The following TASP1 variants were observed in gnomAD, a reference collection of about 807,000 sequenced individuals.
TASP1 encodes the protein threonine aspartase 1.
Under a neutral mutation model 56.6 loss-of-function variants are expected in TASP1, and 16 were observed. The ratio of observed to expected loss-of-function variants is 0.28; its 90% CI spans 0.19 to 0.43. The LOEUF is 0.43. Among genes scored for constraint, TASP1 ranks in the 20% least tolerant of loss-of-function variants. TASP1 has a pLI of 1.00. For synonymous variants in TASP1, 179 were observed against 184.2 expected, an observed-to-expected ratio of 0.97 and a Z score of 0.23; for missense variants, 393 against 511.6, an observed-to-expected ratio of 0.77 and a Z score of 2.24.
chr20:13,630,301 AAATT>A, intron 1 of TASP1, 149 bp from the exon 2 acceptor site: 1 of 491,034 alleles, frequency 2.0e-6, no homozygotes, highest in South Asian at 3.6e-5. Context: ...CTATTTATTA[AAATT>A]ATTTTTTCTT....
the TASP1 span, among the ~76,000 whole-genome samples, chr20:13,241,833 C>T: frequency 4.2e-3 from 641 of 152,148 alleles, 2 homozygotes; most frequent in African/African-American, 0.015. Context: ...GTTCCCATCA[C>T]CCACCTGCTT....
At chr20:13,489,312 A>G in intron 10 of TASP1, among the ~76,000 whole-genome samples, 1 of 152,168 alleles carries the variant, frequency 6.6e-6, no homozygotes, top group South Asian at 2.1e-4. Flanking sequence ...AAAGAGCTAC[A>G]CATTCTTAGG....
intron 13 of TASP1, among the ~76,000 whole-genome samples, chr20:13,409,024 T>A (rs1057022095): frequency 2.6e-5 from 4 of 152,102 alleles, no homozygotes; most frequent in African/African-American, 7.2e-5. Context: ...TCTTAAAGCT[T>A]CTTAAGATGA....
intron 11 of TASP1, among the ~76,000 whole-genome samples, chr20:13,452,134 G>C (rs1362538733): frequency 2.6e-5 from 4 of 151,928 alleles, no homozygotes; most frequent in Admixed American, 1.3e-4. Context: ...CAGACTATCA[G>C]CACAGATACA....
intron 12 of TASP1, among the ~76,000 whole-genome samples, chr20:13,429,953 T>C (rs1354231878): frequency 1.3e-5 from 2 of 151,790 alleles, no homozygotes; most frequent in Non-Finnish European, 2.9e-5. Context: ...AGCTGCAGAG[T>C]TGTTATATAG....
At chr20:13,165,041 G>A in the TASP1 span, 51 of 556,656 alleles carry the variant, frequency 9.2e-5, no homozygotes, top group Non-Finnish European at 1.3e-4. Flanking sequence ...TTGGACTGCA[G>A]AGACAAAAAC....
At chr20:13,301,517 C>T in the TASP1 span, among the ~76,000 whole-genome samples, 1,500 of 152,192 alleles carry the variant, frequency 9.9e-3, 31 homozygotes, top group African/African-American at 0.034. Context: ...ATTATTTACA[C>T]CTTAGAAGGT....
chr20:13,560,606 C>T (rs1444454170), intron 7 of TASP1, among the ~76,000 whole-genome samples: 8 of 151,970 alleles, frequency 5.3e-5, no homozygotes, highest in Admixed American at 1.3e-4. Flanking sequence ...AGCATGAGAC[C>T]GACAGAAGGT....
the TASP1 span, among the ~76,000 whole-genome samples, chr20:13,231,298 A>G: frequency 4.6e-5 from 7 of 152,244 alleles, no homozygotes; most frequent in African/African-American, 1.7e-4. Context: ...GCAGGCAGCA[A>G]AAGAACCAGG....
At chr20:13,543,650 C>G (rs961733156) in intron 8 of TASP1, among the ~76,000 whole-genome samples, 1 of 152,116 alleles carries the variant, frequency 6.6e-6, no homozygotes, top group Non-Finnish European at 1.5e-5. Context: ...GAGGCCCTTG[C>G]GCCTTTCAAC....
chr20:13,578,595 A>G (rs1177491938), intron 6 of TASP1, among the ~76,000 whole-genome samples: 1 of 152,108 alleles, frequency 6.6e-6, no homozygotes, highest in Non-Finnish European at 1.5e-5. Context: ...TAATATTTTT[A>G]TACTACACTT....
chr20:13,538,719 T>C (rs917370114), intron 8 of TASP1, among the ~76,000 whole-genome samples: 1 of 152,182 alleles, frequency 6.6e-6, no homozygotes, highest in African/African-American at 2.4e-5. Flanking sequence ...CACTGTGGGC[T>C]ACAGTTTATC....
the TASP1 span, among the ~76,000 whole-genome samples, chr20:13,277,991 C>A: frequency 2.0e-5 from 3 of 152,164 alleles, no homozygotes; most frequent in Non-Finnish European, 4.4e-5. Flanking sequence ...CGCCCTGGTG[C>A]AATTTGGCAG....
At chr20:13,358,218 C>G in the TASP1 span, among the ~76,000 whole-genome samples, 1 of 152,222 alleles carries the variant, frequency 6.6e-6, no homozygotes, top group Admixed American at 6.5e-5. Context: ...CCACCCTTAT[C>G]TCCCTTCGCT....
the TASP1 span, among the ~76,000 whole-genome samples, chr20:13,242,557 A>C: frequency 1.3e-5 from 2 of 152,160 alleles, no homozygotes; most frequent in African/African-American, 2.4e-5. Flanking sequence ...GCTGAGTCCA[A>C]TTAAGTGTTC....
chr20:13,386,691 T>C (rs2041165088), downstream of TASP1, among the ~76,000 whole-genome samples: 2 of 152,122 alleles, frequency 1.3e-5, no homozygotes, highest in South Asian at 4.1e-4. Flanking sequence ...CTGGAAATTA[T>C]GCAAAAAAGG....
the TASP1 span, among the ~76,000 whole-genome samples, chr20:13,118,802 C>G: frequency 6.6e-6 from 1 of 152,212 alleles, no homozygotes; most frequent in South Asian, 2.1e-4. Context: ...CCAAGAAGTG[C>G]AGCAGAAAAC....
chr20:13,180,072 A>C, the TASP1 span, among the ~76,000 whole-genome samples: 509 of 152,258 alleles, frequency 3.3e-3, 1 homozygote, highest in African/African-American at 0.011. Context: ...CTGAATCCTG[A>C]TTCTAGGGGT....
At chr20:13,499,930 A>C (rs1282724148) in intron 10 of TASP1, among the ~76,000 whole-genome samples, 5 of 152,106 alleles carry the variant, frequency 3.3e-5, no homozygotes. Context: ...CTATACAATG[A>C]GTACACATGA....
Sources: gnomAD v4.1 joint callset for allele counts (sites outside exome capture counted in the v4.1 genomes callset) on GRCh38, gnomAD v4.1.1 for gene constraint, MANE v1.5 for transcripts, NCBI Gene and HGNC (gene_info 2026-07-23, HGNC 2026-07-21) for gene names.